Variants in ICA1L observed in about 807,000 individuals in gnomAD.
ICA1L encodes islet cell autoantigen 1 like.
Under a neutral mutation model 61.3 loss-of-function variants are expected in ICA1L, and 50 were observed. That is an observed-to-expected ratio of 0.82 (90% CI 0.65 to 1.03). The LOEUF (loss-of-function observed/expected upper bound fraction) is 1.03. Ranked by LOEUF, ICA1L falls within the 50% of genes least tolerant of loss-of-function variation. ICA1L has a pLI of 0.00. For missense variants in ICA1L, 508 were observed against 556.7 expected (o/e 0.91, Z 0.88); for synonymous variants, 161 against 191.3 (o/e 0.84, Z 1.31).
chr2:202,842,295 T>C (rs1694356613), intron 1 of ICA1L, among the ~76,000 whole-genome samples: 1 of 152,258 alleles, frequency 6.6e-6, no homozygotes, highest in Admixed American at 6.5e-5. Flanking sequence ...ATTAGCATCC[T>C]TTCCTCTCAG....
Position 202,778,371 on chromosome 2 carries a change from T to TAATA in ICA1L, c.*1158_*1161dup, listed in dbSNP as rs1288822110. 6.6e-6 allele frequency: 1 copy of TAATA among 152,194 alleles called. No homozygotes were observed. Among genetic ancestry groups the TAATA allele is most frequent in the African/African-American group, 2.4e-5 (1 of 41,440 alleles). 9.4% of individuals were successfully genotyped at this position (152,194 alleles called of 1,614,324 possible). Reference sequence around the variant, plus strand: ...ACTTCCATTAAATAGCCTTCCTCTCTAATACTTAGGTTCTAAACCCTGTAG... The same window carrying TAATA: ...ACTTCCATTAAATAGCCTTCCTCTCTAATAAATACTTAGGTTCTAAACCCTGTAG... On this transcript the variant is annotated 3_prime_UTR_variant, in exon 13 of 13. Transcript: ENST00000358299.
intron 1 of ICA1L, among the ~76,000 whole-genome samples, chr2:202,837,740 TTTC>T (rs1427140004): frequency 3.3e-5 from 5 of 152,144 alleles, no homozygotes; most frequent in Admixed American, 1.3e-4. Context: ...ATTTAGGGCT[TTTC>T]TTTTTTTTTT....
intron 12 of ICA1L, among the ~76,000 whole-genome samples, chr2:202,779,932 A>G (rs1692347491): frequency 6.6e-6 from 1 of 151,670 alleles, no homozygotes; most frequent in Admixed American, 6.6e-5. Context: ...GGCCTGAACC[A>G]CTGCTCCTGG....
chr2:202,845,934 G>A (rs1258974187), intron 1 of ICA1L, among the ~76,000 whole-genome samples: 2 of 152,170 alleles, frequency 1.3e-5, no homozygotes, highest in African/African-American at 4.8e-5. Flanking sequence ...CAAACCTGCT[G>A]TTTAACATAG....
chr2:202,832,958 C>T (rs928100769), intron 1 of ICA1L, among the ~76,000 whole-genome samples: 1 of 152,104 alleles, frequency 6.6e-6, no homozygotes, highest in African/African-American at 2.4e-5. Context: ...ATAAATAAAA[C>T]ATCCCCAGAT....
intron 1 of ICA1L, among the ~76,000 whole-genome samples, chr2:202,853,972 A>T (rs1431705738): frequency 1.3e-5 from 2 of 152,208 alleles, no homozygotes; most frequent in African/African-American, 2.4e-5. Context: ...TACTACGAAG[A>T]AACTGCATCA....
chr2:202,785,840 A>C, intron 12 of ICA1L, 78 bp downstream of exon 12: 1 of 811,652 alleles, frequency 1.2e-6, no homozygotes, highest in Non-Finnish European at 2.0e-6. Flanking sequence ...AACAATATAA[A>C]GTGATCCTTT....
rs190144472 is a variant in ICA1L, at chr2:202,868,996, C to A, written c.-8+2623G>T. On this transcript the variant is annotated intron_variant, in intron 1 of 12. Transcript: ENST00000358299. Reference sequence around the variant, plus strand: ...ACAACAACAACAACAACAACAACAACAAAAAACATTTAAAACAAATACATC... The same window carrying A: ...ACAACAACAACAACAACAACAACAAAAAAAAACATTTAAAACAAATACATC... Among the ~76,000 whole-genome samples the A allele has an allele frequency of 1.8e-3, 269 of 151,536 alleles. 1 individual carries two copies. The highest frequency in any genetic ancestry group is 5.8e-3 in the East Asian group (30 of 5,144).
intron 9 of ICA1L, among the ~76,000 whole-genome samples, chr2:202,801,548 G>A (rs1046360722): frequency 6.6e-6 from 1 of 152,178 alleles, no homozygotes; most frequent in Non-Finnish European, 1.5e-5. Flanking sequence ...ACATTCTTCA[G>A]AAAATTTGTC....
intron 5 of ICA1L, among the ~76,000 whole-genome samples, chr2:202,817,941 G>A (rs1693585659): frequency 6.6e-6 from 1 of 152,212 alleles, no homozygotes; most frequent in South Asian, 2.1e-4. Flanking sequence ...GAATCATGCA[G>A]ATATTTATAA....
Position 202,789,088 on chromosome 2 carries a change from C to T in ICA1L, c.986-1G>A. 1 of 1,600,938 alleles carries T rather than the reference C, an allele frequency of 6.2e-7. No individual in the cohort carries two copies. The highest frequency in any genetic ancestry group is 8.5e-7 in the Non-Finnish European group (1 of 1,175,690). On this transcript the variant is annotated splice_acceptor_variant, in intron 10 of 12. Transcript: ENST00000358299. LOFTEE classifies it high-confidence loss of function. ...GAATCTACAGGTAGATCTTTTGCAA[C>T]TATTGAGTGTAAATAAAAACAGAAA... is the stretch of plus-strand genomic sequence containing the variant.
chr2:202,803,278 G>A (rs1193541790), intron 9 of ICA1L, among the ~76,000 whole-genome samples: 1 of 151,582 alleles, frequency 6.6e-6, no homozygotes, highest in African/African-American at 2.4e-5. Context: ...GTGGGTGCCT[G>A]TAATCCCAGC....
intron 6 of ICA1L, 110 bp from the exon 7 acceptor site, chr2:202,816,119 G>T: frequency 1.7e-6 from 1 of 603,624 alleles, no homozygotes; most frequent in Non-Finnish European, 2.7e-6. Flanking sequence ...AAAATAAGAA[G>T]CAGGAACTAA....
At chr2:202,815,779 G>T (rs1574348927) in intron 7 of ICA1L, 132 bp downstream of exon 7, 1 of 507,676 alleles carries the variant, frequency 2.0e-6, no homozygotes, top group Non-Finnish European at 3.3e-6. Context: ...GCTGACCCTT[G>T]GCTGAAGGAA....
intron 10 of ICA1L, among the ~76,000 whole-genome samples, chr2:202,794,345 CA>C (rs202022262): frequency 0.014 from 1,288 of 90,892 alleles, 10 homozygotes; most frequent in African/African-American, 0.045. Context: ...GACTCCATCT[CA>C]AAAAAAAAAA....
intron 10 of ICA1L, among the ~76,000 whole-genome samples, chr2:202,794,059 CT>C (rs1369485524): frequency 6.6e-6 from 1 of 150,736 alleles, no homozygotes. Flanking sequence ...CAAAGCTGGA[CT>C]TACAACTGGA....
Position 202,825,699 on chromosome 2 carries a change from G to A in ICA1L, c.231C>T (p.Leu77=). The A allele has an allele frequency of 1.3e-6, 2 of 1,486,772 alleles. No individual in the cohort carries two copies. Among genetic ancestry groups the A allele is most frequent in the Non-Finnish European group, 1.9e-6 (2 of 1,069,700 alleles). 92.1% of individuals were successfully genotyped at this position (1,486,772 alleles called of 1,614,324 possible). ...LKIIEKYQLR[L]NVISEEENEL... ...TAGATAACTATGATTTCATACCATT[G>A]AGTCTTAGCTGGTATTTCTCGATTA... is the stretch of plus-strand genomic sequence containing the variant. The change falls in exon 3 of 13, where the codon CTC becomes CTT. Residue 77 remains leucine (L), a synonymous_variant. Transcript: ENST00000358299.
At chr2:202,805,923 ATTAG>A (rs1346127676) in intron 9 of ICA1L, among the ~76,000 whole-genome samples, 1 of 152,224 alleles carries the variant, frequency 6.6e-6, no homozygotes, top group African/African-American at 2.4e-5. Flanking sequence ...CGCAAATGTA[ATTAG>A]TTAACCTTTT....
chr2:202,847,076 C>A (rs1694482486), intron 1 of ICA1L, among the ~76,000 whole-genome samples: 1 of 152,142 alleles, frequency 6.6e-6, no homozygotes, highest in South Asian at 2.1e-4. Context: ...CAAATACAGG[C>A]TGAAGAAGAG....
Sources: allele counts gnomAD v4.1 joint callset (sites outside exome capture counted in the v4.1 genomes callset), GRCh38; gene constraint gnomAD v4.1.1; transcripts MANE v1.5; gene names NCBI Gene and HGNC (gene_info 2026-07-23, HGNC 2026-07-21).